The following DGKK variants were observed in gnomAD, a reference collection of about 807,000 sequenced individuals.
DGKK encodes 142 kDa diacylglycerol kinase.
DGKK carries 35 observed loss-of-function variants against 92.2 expected under a neutral mutation model. The ratio of observed to expected loss-of-function variants is 0.38; its 90% CI spans 0.29 to 0.50. The LOEUF is 0.50. Among genes scored for constraint, DGKK ranks in the 20% least tolerant of loss-of-function variants. DGKK has a pLI of 0.92. For synonymous variants in DGKK, 368 were observed against 360.6 expected (o/e 1.02, Z -0.23); for missense variants, 910 against 992.2 (o/e 0.92, Z 1.11).
rs782012721 is a variant in DGKK at position 50,376,858 on chromosome X, G to C, written c.3172C>G (p.Gln1058Glu). 9.1e-6 allele frequency: 11 copies of C among 1,207,026 alleles called. 1 individual carries two copies. The Admixed American group carries it at 1.3e-4, about 14-fold the overall frequency. ...GAGTCCTGGAAGTCCAGCTGGGGTT[G>C]AGGGGCAGCTTGAATTTCAGTATGC... ...YKHTEIQAAP[Q>E]PQLDFQDSQE... is the part of the protein sequence containing the mutation. Residue 1058 changes from glutamine (Q) to glutamate (E), a missense_variant, in exon 23 of 28, where the codon CAA becomes GAA. Transcript: ENST00000611977.
At chrX:50,452,495 G>A (rs1926518735) in intron 1 of DGKK, among the ~76,000 whole-genome samples, 1 of 112,061 alleles carries the variant, frequency 8.9e-6, no homozygotes, top group African/African-American at 3.2e-5. Flanking sequence ...TGCTCAACAA[G>A]AGGCAGTGTA....
chrX:50,371,226 C>T (rs182279090), intron 26 of DGKK, among the ~76,000 whole-genome samples: 1 of 111,841 alleles, frequency 8.9e-6, no homozygotes, highest in East Asian at 2.8e-4. Context: ...GTCAGAAAAC[C>T]CAGAGTGGGA....
At chrX:50,421,914 T>G (rs1925598941) in intron 3 of DGKK, among the ~76,000 whole-genome samples, 1 of 111,622 alleles carries the variant, frequency 9.0e-6, no homozygotes, top group African/African-American at 3.3e-5. Context: ...TTTCAGTGAG[T>G]TTTCTGGTCT....
chrX:50,422,314 G>A, intron 3 of DGKK, 132 bp downstream of exon 3: 1 of 449,899 alleles, frequency 2.2e-6, no homozygotes, highest in East Asian at 4.0e-5. Context: ...ATGTTTGCAT[G>A]AATGATAACA....
intron 25 of DGKK, 48 bp from the exon 26 acceptor site, chrX:50,371,882 G>T: frequency 1.2e-6 from 1 of 853,390 alleles, no homozygotes; most frequent in Non-Finnish European, 1.7e-6. Context: ...TAGCACTTTT[G>T]TAGACTCTTA....
chrX:50,409,018 T>C (rs1430523323), intron 4 of DGKK, among the ~76,000 whole-genome samples: 1 of 111,512 alleles, frequency 9.0e-6, no homozygotes. Context: ...TATGTTCAAG[T>C]CCTAACGTCC....
Position 50,413,139 on chromosome X carries a change from T to C in DGKK, c.942+7264A>G, listed in dbSNP as rs782376892. The stretch of plus-strand genomic sequence containing the variant: ...ACCACAGTCCATGGAAAAATTGTCT[T>C]CCATGGAAACTAATCCCTGGTGCCA... On this transcript the variant is annotated intron_variant, in intron 4 of 27. Transcript: ENST00000611977. Among the ~76,000 whole-genome samples, 7 of 110,637 alleles carry C rather than the reference T, an allele frequency of 6.3e-5. No homozygotes were observed. The East Asian group carries it at 1.7e-3, about 27-fold the overall frequency.
chrX:50,398,482 C>T (rs1924911179), intron 8 of DGKK, among the ~76,000 whole-genome samples: 2 of 111,702 alleles, frequency 1.8e-5, no homozygotes, highest in African/African-American at 6.5e-5. Context: ...ATCAAGATTG[C>T]AGATGACTAG....
In DGKK at chrX:50,370,514, C is replaced by T. The variant is rs782738180; in HGVS notation, c.3648G>A (p.Arg1216=). 2 of 1,197,333 alleles carry T rather than the reference C, an allele frequency of 1.7e-6. No individual in the cohort carries two copies. Among genetic ancestry groups the T allele is most frequent in the South Asian group, 3.7e-5 (2 of 54,643 alleles). The change falls in exon 27 of 28, where the codon AGG becomes AGA. Residue 1216 remains arginine (R), a synonymous_variant. Transcript: ENST00000611977. ...CCAATTTGGGGAACTTAATTTTCAGCCTGAGGCTTCTACTGTCAGTGTCCG... is the reference window on the plus strand; with the variant it reads ...CCAATTTGGGGAACTTAATTTTCAGTCTGAGGCTTCTACTGTCAGTGTCCG... The part of the protein sequence containing the change: ...KSSDTDSRSL[R]LKIKFPKLGK...
rs952277348 is a variant in DGKK at position 50,379,831 on chromosome X, T to C, written c.2755-97A>G. On this transcript the variant is annotated intron_variant, in intron 19 of 27. Coordinates refer to ENST00000611977, the MANE Select transcript of DGKK (RefSeq NM_001013742.4). Reference sequence around the variant, plus strand: ...GGAAAGGGCTCTGTCTTCTCTTCCATTACATGGAAATCTATCTTCATGCCT... The same window carrying C: ...GGAAAGGGCTCTGTCTTCTCTTCCACTACATGGAAATCTATCTTCATGCCT... 5.4e-6 allele frequency: 5 copies of C among 919,402 alleles called. No individual in the cohort carries two copies. In the African/African-American group the frequency reaches 9.7e-5, roughly 18 times the overall value. The allele number at this position is 919,402 out of a possible 1,213,427, so 75.8% of individuals were successfully genotyped here.
intron 1 of DGKK, among the ~76,000 whole-genome samples, chrX:50,463,100 T>TA (rs1171509485): frequency 9.4e-6 from 1 of 106,530 alleles, no homozygotes; most frequent in Non-Finnish European, 1.9e-5. Flanking sequence ...TCAGGAATAA[T>TA]ACGCAATGTC....
At chrX:50,369,185 T>C (rs1172190262) in intron 27 of DGKK, among the ~76,000 whole-genome samples, 166 bp from the exon 28 acceptor site, 1 of 111,505 alleles carries the variant, frequency 9.0e-6, no homozygotes, top group Admixed American at 9.5e-5. Context: ...TGAAACCAAG[T>C]GAGCTAAAGA....
At chrX:50,468,117 C>T (rs1360903675) in intron 1 of DGKK, among the ~76,000 whole-genome samples, 2 of 112,066 alleles carry the variant, frequency 1.8e-5, no homozygotes, top group African/African-American at 3.2e-5. Flanking sequence ...AATCTGATTC[C>T]CCTTACCTTA....
chrX:50,403,317 A>G, intron 6 of DGKK, 134 bp from the exon 7 acceptor site: 2 of 902,919 alleles, frequency 2.2e-6, no homozygotes, highest in Non-Finnish European at 3.1e-6. Context: ...CCCTACTCCA[A>G]TGCAAGTGAA....
intron 1 of DGKK, among the ~76,000 whole-genome samples, chrX:50,440,658 TA>T (rs1171883676): frequency 9.0e-6 from 1 of 111,462 alleles, no homozygotes; most frequent in East Asian, 2.8e-4. Flanking sequence ...GGTGTCACAG[TA>T]AAAAAATCCG....
At chrX:50,371,957 T>C in intron 25 of DGKK, 123 bp from the exon 26 acceptor site, 1 of 428,375 alleles carries the variant, frequency 2.3e-6, no homozygotes, top group Non-Finnish European at 4.0e-6. Context: ...CTTGTATCCC[T>C]TTGGCCCATA....
At chrX:50,465,280 T>G (rs1163929193) in intron 1 of DGKK, among the ~76,000 whole-genome samples, 1 of 110,692 alleles carries the variant, frequency 9.0e-6, no homozygotes, top group East Asian at 2.8e-4. Context: ...TTTCTTAAAA[T>G]AATTTTCAGA....
chrX:50,469,927 C>T lies in DGKK; in HGVS notation c.645+107G>A, dbSNP rs191265121. 2.2e-4 allele frequency: 232 copies of T among 1,078,408 alleles called. 1 individual carries two copies. In the African/African-American group the frequency reaches 3.6e-3, roughly 17 times the overall value. 88.9% of individuals were successfully genotyped at this position (1,078,408 alleles called of 1,213,427 possible). On this transcript the variant is annotated intron_variant, in intron 1 of 27. Transcript: ENST00000611977. ...CATCTTTCTCAGCATCTTGGCCAGC[C>T]AGTGCCAGACAAGCGGGATGCAAGG...
intron 7 of DGKK, 51 bp downstream of exon 7, chrX:50,403,010 T>A (rs1308829416): frequency 1.7e-6 from 2 of 1,192,082 alleles, no homozygotes; most frequent in African/African-American, 3.5e-5. Flanking sequence ...TCTAAGCCAC[T>A]CCCTCGCCAG....
Sources: allele counts gnomAD v4.1 joint callset (sites outside exome capture counted in the v4.1 genomes callset), GRCh38; gene constraint gnomAD v4.1.1; transcripts MANE v1.5; gene names NCBI Gene and HGNC (gene_info 2026-07-23, HGNC 2026-07-21).